The following TMPRSS2 variants were observed in gnomAD, a reference collection of about 807,000 sequenced individuals.
The protein encoded by TMPRSS2 is transmembrane serine protease 2, also known as transmembrane protease serine 2.
A neutral mutation model predicts 67.4 loss-of-function variants in TMPRSS2; 59 were observed. The ratio of observed to expected loss-of-function variants is 0.88; its 90% confidence interval spans 0.71 to 1.09. The LOEUF (loss-of-function observed/expected upper bound fraction) is 1.09. TMPRSS2 is among the 50% of genes least tolerant of loss of function. The probability of loss-of-function intolerance (pLI) is 0.00; values close to 1 mark genes in which losing one functional copy is unlikely to be tolerated. For synonymous variants in TMPRSS2, 257 were observed against 257.0 expected (o/e 1.00, Z 0.00); for missense variants, 668 against 642.7 (o/e 1.04, Z -0.43).
intron 5 of TMPRSS2, among the ~76,000 whole-genome samples, chr21:41,486,041 C>T (rs1336003505): frequency 6.6e-6 from 1 of 152,166 alleles, no homozygotes; most frequent in Non-Finnish European, 1.5e-5. Flanking sequence ...CTAGAATTCT[C>T]GGCCAGCTCT....
intron 8 of TMPRSS2, among the ~76,000 whole-genome samples, chr21:41,475,826 G>A (rs2091207963): frequency 6.6e-6 from 1 of 151,798 alleles, no homozygotes; most frequent in Non-Finnish European, 1.5e-5. Context: ...TGCATGGGCA[G>A]AGGGCAGGGC....
intron 3 of TMPRSS2, among the ~76,000 whole-genome samples, chr21:41,491,151 A>AT (rs35598191): frequency 0.3 from 32,249 of 106,040 alleles, 6,042 homozygotes; most frequent in Non-Finnish European, 0.43. Context: ...TCTGCATTGC[A>AT]TTTTTTTTTT....
In TMPRSS2 at chr21:41,464,626, G is replaced by T. The variant is rs1425466137; in HGVS notation, c.*1516C>A. 2 of 232,646 alleles carry T rather than the reference G, an allele frequency of 8.6e-6. No individual in the cohort carries two copies. Among genetic ancestry groups the T allele is most frequent in the East Asian group, 6.1e-5 (1 of 16,528 alleles). 14.4% of individuals were successfully genotyped at this position (232,646 alleles called of 1,614,324 possible). Reference sequence around the variant, plus strand: ...CAATTGAACTTTACAGTTTAAAAAAGATACAAAAAAAGACAAACAGTTGTT... The same window carrying T: ...CAATTGAACTTTACAGTTTAAAAAATATACAAAAAAAGACAAACAGTTGTT... On this transcript the variant is annotated 3_prime_UTR_variant, in exon 14 of 14. Coordinates refer to ENST00000332149, the MANE Select transcript of TMPRSS2 (RefSeq NM_005656.4).
Position 41,464,372 on chromosome 21 carries a change from G to A in TMPRSS2, c.*1770C>T, listed in dbSNP as rs544440280. Among the ~76,000 whole-genome samples the A allele has an allele frequency of 7.2e-5, 11 of 152,314 alleles. No individual in the cohort carries two copies. The East Asian group carries it at 1.7e-3, about 24-fold the overall frequency. On this transcript the variant is annotated 3_prime_UTR_variant, in exon 14 of 14. Coordinates refer to ENST00000332149, the MANE Select transcript of TMPRSS2 (RefSeq NM_005656.4). Reference sequence around the variant, plus strand: ...CAGACTAATAGAATAATAAGAAGGAGTCATTTGAGGGACCTCTCCAACAGG... The same window carrying A: ...CAGACTAATAGAATAATAAGAAGGAATCATTTGAGGGACCTCTCCAACAGG...
Position 41,483,271 on chromosome 21 carries a change from A to T in TMPRSS2, c.446-2669T>A, listed in dbSNP as rs1246292827. On this transcript the variant is annotated intron_variant, in intron 5 of 13. Coordinates refer to ENST00000332149, the MANE Select transcript of TMPRSS2 (RefSeq NM_005656.4). Reference sequence around the variant, plus strand: ...AAATATAAAGTCTGTTCACTTTTTTAAAAGTAACTGAAATGAATACACTTC... The same window carrying T: ...AAATATAAAGTCTGTTCACTTTTTTTAAAGTAACTGAAATGAATACACTTC... 2.0e-5 allele frequency among the ~76,000 whole-genome samples: 3 copies of T among 152,036 alleles called. No homozygotes were observed. The East Asian group carries it at 5.8e-4, about 29-fold the overall frequency.
intron 2 of TMPRSS2, among the ~76,000 whole-genome samples, chr21:41,497,070 A>C (rs34983238): frequency 0.08 from 12,130 of 151,492 alleles, 554 homozygotes; most frequent in Middle Eastern, 0.18. Flanking sequence ...CGAACTCCCA[A>C]CCTCAGGTGA....
intron 1 of TMPRSS2, among the ~76,000 whole-genome samples, chr21:41,503,337 C>T (rs1304694458): frequency 6.6e-6 from 1 of 152,190 alleles, no homozygotes; most frequent in Non-Finnish European, 1.5e-5. Flanking sequence ...TTCAACACCA[C>T]ACACAAGCCA....
chr21:41,488,214 G>A (rs1032893547), intron 5 of TMPRSS2, among the ~76,000 whole-genome samples, 180 bp downstream of exon 5: 8 of 152,334 alleles, frequency 5.3e-5, no homozygotes, highest in African/African-American at 1.9e-4. Context: ...TGCTGGGTGA[G>A]GTTGGGCCGG....
rs200169208 is a variant in TMPRSS2 at position 41,494,380 on chromosome 21, G to A, written c.214C>T (p.Pro72Ser). 1 of 1,610,186 alleles carries A rather than the reference G, an allele frequency of 6.2e-7. No homozygotes were observed. Among genetic ancestry groups the A allele is most frequent in the Admixed American group, 1.7e-5 (1 of 58,550 alleles). Residue 72 changes from proline to serine, a missense_variant, in exon 3 of 14, where the codon CCA (proline) becomes TCA (serine). Pro to Ser is a moderately conservative substitution (Grantham distance 74). Coordinates refer to ENST00000332149, the MANE Select transcript of TMPRSS2 (RefSeq NM_005656.4). Reference sequence around the variant, plus strand: ...CTTGAGGTGCACACTGTCCCGGATGGGGATTTGGGCTGCGTGCAGACGACG... The same window carrying A: ...CTTGAGGTGCACACTGTCCCGGATGAGGATTTGGGCTGCGTGCAGACGACG... ...NPVVCTQPKS[P>S]SGTVCTSKTK... is the part of the protein sequence containing the mutation.
chr21:41,505,114 T>C lies in TMPRSS2; in HGVS notation c.-57+2967A>G, dbSNP rs148499598. Among the ~76,000 whole-genome samples the C allele has an allele frequency of 1.6e-3, 248 of 152,232 alleles. 1 individual carries two copies. Among genetic ancestry groups the C allele is most frequent in the Non-Finnish European group, 2.9e-3 (200 of 67,998 alleles). ...CACTAGCAAGGCCACTTTCCAAGTC[T>C]TCAGCAACCAAAACTGAACAAGCAC... On this transcript the variant is annotated intron_variant, in intron 1 of 13. Transcript: ENST00000332149.
chr21:41,490,192 G>A (rs1601583153), intron 3 of TMPRSS2, among the ~76,000 whole-genome samples: 1 of 148,750 alleles, frequency 6.7e-6, no homozygotes, highest in Non-Finnish European at 1.5e-5. Context: ...TCTTAAAATA[G>A]GCAGATGATT....
chr21:41,473,504 T>G lies in TMPRSS2; in HGVS notation c.728-8A>C. 1 of 1,603,324 alleles carries G rather than the reference T, an allele frequency of 6.2e-7. No homozygotes were observed. The highest frequency in any genetic ancestry group is 8.5e-7 in the Non-Finnish European group (1 of 1,174,632). On this transcript the variant is annotated splice_polypyrimidine_tract_variant and splice_region_variant and intron_variant, in intron 8 of 13. Transcript: ENST00000332149. ...TCAAGTTGACCCCGCAGGCTGAGGA[T>G]GACAAACAGGAGGCCAGTGGGGTGA...
chr21:41,487,469 T>C (rs1369851737), intron 5 of TMPRSS2: 1 of 152,206 alleles, frequency 6.6e-6, no homozygotes, highest in Non-Finnish European at 1.5e-5. Context: ...GAGCAATCTA[T>C]TGTACATCAT....
chr21:41,479,808 A>G (rs553431242), intron 6 of TMPRSS2, among the ~76,000 whole-genome samples: 1 of 152,294 alleles, frequency 6.6e-6, no homozygotes, highest in African/African-American at 2.4e-5. Context: ...ACAAAGTGGC[A>G]GTAGCATCCT....
At chr21:41,505,821 G>A (rs1048405545) in intron 1 of TMPRSS2, among the ~76,000 whole-genome samples, 2 of 152,108 alleles carry the variant, frequency 1.3e-5, no homozygotes, top group Non-Finnish European at 2.9e-5. Context: ...GTACTGTGCC[G>A]ATTGTCACTA....
At position 41,471,885 on chromosome 21, in the gene TMPRSS2, A is replaced by T. The variant is rs961842260; in HGVS notation, c.996T>A (p.Ile332=). 2 of 1,613,478 alleles carry T rather than the reference A, an allele frequency of 1.2e-6. No homozygotes were observed. Among genetic ancestry groups the T allele is most frequent in the African/African-American group, 2.7e-5 (2 of 74,886 alleles). ...TCTTGGAGTCATAATTTGGATGAGA[A>T]ATCACTTTTTCTACTTGGTATCCGG... The part of the protein sequence containing the change: ...YGAGYQVEKV[I]SHPNYDSKTK... Residue 332 remains isoleucine (I), a synonymous_variant, in exon 10 of 14, where the codon ATT becomes ATA. Coordinates refer to ENST00000332149, the MANE Select transcript of TMPRSS2 (RefSeq NM_005656.4).
chr21:41,489,304 C>T (rs1043888730), intron 4 of TMPRSS2, among the ~76,000 whole-genome samples: 4 of 152,230 alleles, frequency 2.6e-5, no homozygotes, highest in African/African-American at 9.6e-5. Flanking sequence ...CACCCCAAAG[C>T]ACTGGGTACA....
chr21:41,493,045 G>A (rs1262271434), intron 3 of TMPRSS2, among the ~76,000 whole-genome samples: 2 of 152,170 alleles, frequency 1.3e-5, no homozygotes, highest in East Asian at 1.9e-4. Flanking sequence ...GCGGGAGGTT[G>A]AGCAGCATCC....
intron 2 of TMPRSS2, among the ~76,000 whole-genome samples, chr21:41,495,293 G>A (rs9975782): frequency 7.2e-5 from 11 of 151,746 alleles, no homozygotes; most frequent in South Asian, 4.2e-4. Context: ...ATTTATTCAC[G>A]ATTACAGTTG....
Sources: gnomAD v4.1 joint callset for allele counts (sites outside exome capture counted in the v4.1 genomes callset) on GRCh38, gnomAD v4.1.1 for gene constraint, MANE v1.5 for transcripts, NCBI Gene and HGNC (gene_info 2026-07-23, HGNC 2026-07-21) for gene names.